The following AKAP9 variants were observed in gnomAD, a reference collection of about 807,000 sequenced individuals.
AKAP9 encodes the protein A-kinase anchoring protein 9, also known as A-kinase anchor protein 9.
In AKAP9, 311 loss-of-function variants were observed where a neutral mutation model predicts 488.5. That is an observed-to-expected ratio of 0.64 (90% CI 0.58 to 0.70). The LOEUF (loss-of-function observed/expected upper bound fraction) is 0.70. Among genes scored for constraint, AKAP9 ranks in the 30% least tolerant of loss-of-function variants. The probability of loss-of-function intolerance (pLI) is 0.00; values close to 1 mark genes in which losing one functional copy is unlikely to be tolerated. For synonymous variants in AKAP9, 1,462 were observed against 1,483.5 expected, an observed-to-expected ratio of 0.99 and a Z score of 0.33; for missense variants, 4,215 against 4,374.5, an observed-to-expected ratio of 0.96 and a Z score of 1.03.
chr7:92,022,392 G>A, intron 13 of AKAP9, 40 bp downstream of exon 13: 1 of 1,385,754 alleles, frequency 7.2e-7, no homozygotes, highest in Non-Finnish European at 1.0e-6. Context: ...TGTTTTTATA[G>A]CAAATATTGA....
chr7:92,077,077 T>G, intron 29 of AKAP9, 70 bp downstream of exon 29: 1 of 499,022 alleles, frequency 2.0e-6, no homozygotes. Flanking sequence ...TTTATTATTA[T>G]TATTATTATT....
At chr7:91,952,239 G>C (rs1192699305) in intron 1 of AKAP9, among the ~76,000 whole-genome samples, 1 of 152,186 alleles carries the variant, frequency 6.6e-6, no homozygotes, top group Non-Finnish European at 1.5e-5. Context: ...AATAAGTTAA[G>C]TATTCAGAGT....
chr7:92,107,197 T>G lies in AKAP9; in HGVS notation c.11417-96T>G. 7 of 1,166,414 alleles carry G rather than the reference T, an allele frequency of 6.0e-6. No homozygotes were observed. In the South Asian group the frequency reaches 8.7e-5, roughly 15 times the overall value. The allele number at this position is 1,166,414 out of a possible 1,614,324, so 72.3% of individuals were successfully genotyped here. On this transcript the variant is annotated intron_variant, in intron 47 of 49. Transcript: ENST00000356239. ...ATAAATAGGAGATTGTATAATATAG[T>G]ATAATAGTCTTTTGAGCAGTTACCT...
chr7:92,047,822 CAG>C, intron 21 of AKAP9, among the ~76,000 whole-genome samples: 1 of 152,242 alleles, frequency 6.6e-6, no homozygotes, highest in South Asian at 2.1e-4. Context: ...AATATTGTAG[CAG>C]AGATAATTTT....
intron 42 of AKAP9, 101 bp from the exon 43 acceptor site, chr7:92,098,008 A>G: frequency 1.1e-6 from 1 of 879,204 alleles, no homozygotes; most frequent in African/African-American, 1.7e-5. Context: ...ATAAGGGAGA[A>G]GTGATAGGTG....
At chr7:92,081,510 T>C (rs1813575428) in intron 31 of AKAP9, among the ~76,000 whole-genome samples, 1 of 145,300 alleles carries the variant, frequency 6.9e-6, no homozygotes, top group Middle Eastern at 3.6e-3. Context: ...TTTTTTTTTT[T>C]AGTAGAGACG....
At chr7:92,028,734 TA>T (rs1451009847) in intron 14 of AKAP9, among the ~76,000 whole-genome samples, 1 of 152,206 alleles carries the variant, frequency 6.6e-6, no homozygotes, top group Non-Finnish European at 1.5e-5. Context: ...ATTATGAGAA[TA>T]AAATTAATAA....
Position 92,041,023 on chromosome 7 carries a change from G to A in AKAP9, c.4917+125G>A, listed in dbSNP as rs553298725. 318 of 708,058 alleles carry A rather than the reference G, an allele frequency of 4.5e-4. 5 individuals are homozygous for A. In the South Asian group the frequency reaches 5.6e-3, roughly 13 times the overall value. The allele number at this position is 708,058 out of a possible 1,614,324, so 43.9% of individuals were successfully genotyped here. On this transcript the variant is annotated intron_variant, in intron 18 of 49. Coordinates refer to ENST00000356239, the MANE Select transcript of AKAP9 (RefSeq NM_005751.5). ...GCCATAATTTTTTTTTTTTTTTGCC[G>A]AAATCTGAATAAACTACATATATTT... is the stretch of plus-strand genomic sequence containing the variant.
At position 92,084,873 on chromosome 7, in the gene AKAP9, A is replaced by G; in HGVS notation, c.8765A>G (p.Asp2922Gly). 6.2e-7 allele frequency: 1 copy of G among 1,613,638 alleles called. No individual in the cohort carries two copies. The highest frequency in any genetic ancestry group is 8.5e-7 in the Non-Finnish European group (1 of 1,179,752). Reference sequence around the variant, plus strand: ...TATCTTACACACAGTCAGGGATTTGACATAGCATCAGAAGGCCGAGGAGAA... The same window carrying G: ...TATCTTACACACAGTCAGGGATTTGGCATAGCATCAGAAGGCCGAGGAGAA... ...GIYLTHSQGF[D>G]IASEGRGEES... The change falls in exon 35 of 50, where the codon GAC (aspartate) becomes GGC (glycine). Residue 2922 changes from aspartate (D) to glycine (G), a missense_variant. Asp to Gly is a moderately conservative substitution (Grantham distance 94). This residue lies in a region of AKAP9 where 1,476 missense variants were observed against 1,477.4 expected (regional missense o/e 1.00). Coordinates refer to ENST00000356239, the MANE Select transcript of AKAP9 (RefSeq NM_005751.5).
rs1813114368 is a variant in AKAP9, at chr7:92,079,233, G to A, written c.7100G>A (p.Gly2367Glu). ...CTTCAACAGGAATTGGCAAATATTG[G>A]ACAGAAGACATCAATGAATGCTCAT... Reference protein sequence around the residue: ...EKLQQELANIGQKTSMNAHSL... With the variant: ...EKLQQELANIEQKTSMNAHSL... The change falls in exon 31 of 50, where the codon GGA becomes GAA. Residue 2367 changes from glycine to glutamate, a missense_variant. By Grantham distance (98) the Gly-to-Glu change is moderately conservative. Transcript: ENST00000356239. 1 of 1,614,020 alleles carries A rather than the reference G, an allele frequency of 6.2e-7. No individual in the cohort carries two copies. Among genetic ancestry groups the A allele is most frequent in the Non-Finnish European group, 8.5e-7 (1 of 1,179,996 alleles).
chr7:91,988,692 GAA>G (rs1198992227), intron 3 of AKAP9, among the ~76,000 whole-genome samples: 1 of 152,118 alleles, frequency 6.6e-6, no homozygotes, highest in Non-Finnish European at 1.5e-5. Context: ...TAAGATGTAA[GAA>G]AAGAGCAGGG....
chr7:92,011,268 A>G (rs898519070), intron 8 of AKAP9, among the ~76,000 whole-genome samples: 1 of 152,220 alleles, frequency 6.6e-6, no homozygotes, highest in African/African-American at 2.4e-5. Context: ...TGACAAGAAT[A>G]AGAAATGAGA....
chr7:92,094,694 G>T (rs764920213), intron 39 of AKAP9, among the ~76,000 whole-genome samples: 2 of 151,400 alleles, frequency 1.3e-5, no homozygotes, highest in Admixed American at 6.6e-5. Flanking sequence ...TTAGCTGGGC[G>T]TGGTTGCGGG....
chr7:92,066,440 A>C lies in AKAP9; in HGVS notation c.6224A>C (p.Asp2075Ala). ...ATTAAACTTTAGGAGCAAGCCATTG[A>C]CAGAGAACATGAGAGAGATGTATTC... Reference protein sequence around the residue: ...MRKFLDEQAIDREHERDVFQQ... With the variant: ...MRKFLDEQAIAREHERDVFQQ... The change falls in exon 26 of 50, where the codon GAC (aspartate) becomes GCC (alanine). Residue 2075 changes from aspartate (D) to alanine (A), a missense_variant. Transcript: ENST00000356239. 6.2e-7 allele frequency: 1 copy of C among 1,613,320 alleles called. No individual in the cohort carries two copies. Among genetic ancestry groups the C allele is most frequent in the Non-Finnish European group, 8.5e-7 (1 of 1,179,470 alleles).
intron 33 of AKAP9, among the ~76,000 whole-genome samples, chr7:92,084,245 G>C (rs1404621666): frequency 6.6e-6 from 1 of 152,094 alleles, no homozygotes; most frequent in Non-Finnish European, 1.5e-5. Context: ...ATTTGGGTTG[G>C]TTCCAACACT....
At chr7:92,017,736 G>A (rs1187928299) in intron 12 of AKAP9, among the ~76,000 whole-genome samples, 1 of 152,152 alleles carries the variant, frequency 6.6e-6, no homozygotes, top group Non-Finnish European at 1.5e-5. Flanking sequence ...GATAGTGAAA[G>A]TTATAATGTT....
intron 8 of AKAP9, among the ~76,000 whole-genome samples, chr7:92,006,993 C>T (rs1409290868): frequency 6.6e-6 from 1 of 152,018 alleles, no homozygotes; most frequent in African/African-American, 2.4e-5. Flanking sequence ...TAATGTCTGA[C>T]ACATGATAGG....
rs116922600 is a variant in AKAP9 at position 91,945,203 on chromosome 7, A to C, written c.48+4056A>C. Among the ~76,000 whole-genome samples, 892 of 152,202 alleles carry C rather than the reference A, an allele frequency of 5.9e-3. 3 individuals are homozygous for C. Among genetic ancestry groups the C allele is most frequent in the South Asian group, 0.028 (134 of 4,814 alleles). ...TAGTGAGACCCCATCTCTAAAAAGA[A>C]AAAAGTATAAAAAACAAAACAGGTG... On this transcript the variant is annotated intron_variant, in intron 1 of 49. Coordinates refer to ENST00000356239, the MANE Select transcript of AKAP9 (RefSeq NM_005751.5).
intron 1 of AKAP9, among the ~76,000 whole-genome samples, chr7:91,957,444 A>C (rs1171752222): frequency 6.6e-6 from 1 of 152,220 alleles, no homozygotes. Flanking sequence ...GCAACATTTT[A>C]ATCTTGGCAT....
Sources: gnomAD v4.1 joint callset for allele counts (sites outside exome capture counted in the v4.1 genomes callset) on GRCh38, gnomAD v4.1.1 for gene constraint, gnomAD v4.1.1 regional missense constraint, MANE v1.5 for transcripts, NCBI Gene and HGNC (gene_info 2026-07-23, HGNC 2026-07-21) for gene names.